RAG1: variants seen among roughly 807,000 people sequenced by gnomAD.
RAG1 encodes the protein V(D)J recombination-activating protein 1.
In RAG1, 35 loss-of-function variants were observed where a neutral mutation model predicts 62.7. The ratio of observed to expected loss-of-function variants is 0.56; its 90% CI spans 0.43 to 0.74. The LOEUF (loss-of-function observed/expected upper bound fraction) is 0.74. RAG1 is among the 30% of genes least tolerant of loss of function. The probability of loss-of-function intolerance (pLI) is 0.00; values close to 1 mark genes in which losing one functional copy is unlikely to be tolerated. For missense variants in RAG1, 1,169 were observed against 1,278.6 expected, an observed-to-expected ratio of 0.91 and a Z score of 1.31; for synonymous variants, 461 against 470.3, an observed-to-expected ratio of 0.98 and a Z score of 0.26.
downstream of RAG1, among the ~76,000 whole-genome samples, chr11:36,540,527 CCCG>C (rs940968821): frequency 5.3e-4 from 81 of 152,284 alleles, no homozygotes; most frequent in African/African-American, 1.9e-3. Context: ...GCCTCAGCCT[CCCG>C]AGTAGCTGGG....
chr11:36,561,558 T>C (rs999736041), intron 3 of RAG1, among the ~76,000 whole-genome samples: 4 of 152,220 alleles, frequency 2.6e-5, no homozygotes, highest in African/African-American at 9.6e-5. Context: ...GATATTAACA[T>C]TTAAACTATT....
chr11:36,515,843 A>C (rs913207843), intron 1 of RAG1, among the ~76,000 whole-genome samples: 20 of 152,186 alleles, frequency 1.3e-4, no homozygotes, highest in African/African-American at 4.8e-4. Flanking sequence ...TGAAATCTAC[A>C]AAAGTTCTCC....
intron 1 of RAG1, among the ~76,000 whole-genome samples, chr11:36,518,387 C>G (rs1860026841): frequency 6.6e-6 from 1 of 152,184 alleles, no homozygotes; most frequent in Admixed American, 6.5e-5. Flanking sequence ...AATGATATTT[C>G]TAGTTCTAGA....
chr11:36,565,537 C>G (rs1374051272), upstream of RAG1, among the ~76,000 whole-genome samples: 1 of 152,198 alleles, frequency 6.6e-6, no homozygotes, highest in Non-Finnish European at 1.5e-5. Context: ...ATCAAGTTGT[C>G]CAGGCTCTAG....
At chr11:36,545,478 G>T (rs7942421) in intron 3 of RAG1, among the ~76,000 whole-genome samples, 5,135 of 152,158 alleles carry the variant, frequency 0.034, 278 homozygotes, top group African/African-American at 0.12. Flanking sequence ...AAGGAGAGAG[G>T]TCTCACCAGA....
chr11:36,557,575 G>T (rs928593879), intron 3 of RAG1, among the ~76,000 whole-genome samples: 2 of 151,954 alleles, frequency 1.3e-5, no homozygotes, highest in Non-Finnish European at 2.9e-5. Context: ...CGTCTTCTGC[G>T]TCGCTCACGC....
At chr11:36,527,281 C>G (rs1860178189) in intron 2 of RAG1, among the ~76,000 whole-genome samples, 1 of 152,166 alleles carries the variant, frequency 6.6e-6, no homozygotes. Context: ...GGAAGTGATC[C>G]AGTTTCAGCT....
At chr11:36,563,652 A>C (rs1258443684), upstream of RAG1, among the ~76,000 whole-genome samples, 1 of 152,202 alleles carries the variant, frequency 6.6e-6, no homozygotes, top group East Asian at 1.9e-4. Flanking sequence ...ATTTATGAAA[A>C]ATTTAGCAAT....
At position 36,578,007 on chromosome 11, in the gene RAG1, A is replaced by T. The variant is rs747016975; in HGVS notation, c.*1571A>T. On this transcript the variant is annotated 3_prime_UTR_variant, in exon 2 of 2. Coordinates refer to ENST00000299440, the MANE Select transcript of RAG1 (RefSeq NM_000448.3). ...CAGTTATTTGGAAACTATGATCTGCATCCTTAGGAATCTGGGATTTGCCAG... is the reference window on the plus strand; with the variant it reads ...CAGTTATTTGGAAACTATGATCTGCTTCCTTAGGAATCTGGGATTTGCCAG... The T allele has an allele frequency of 7.2e-4, 120 of 167,130 alleles. No individual in the cohort carries two copies. Among genetic ancestry groups the T allele is most frequent in the Non-Finnish European group, 2.6e-4 (18 of 68,126 alleles). The allele number at this position is 167,130 out of a possible 1,614,324, so 10.4% of individuals were successfully genotyped here. A position where few individuals can be genotyped will look rare whatever the true frequency, so the allele number is the denominator to read the frequency against.
At chr11:36,517,790 T>C (rs148026129) in intron 1 of RAG1, among the ~76,000 whole-genome samples, 1 of 152,228 alleles carries the variant, frequency 6.6e-6, no homozygotes, top group Non-Finnish European at 1.5e-5. Context: ...ATTTACTAAG[T>C]AGAACATTGC....
intron 2 of RAG1, among the ~76,000 whole-genome samples, chr11:36,530,998 G>A (rs1300486550): frequency 6.6e-6 from 1 of 151,852 alleles, no homozygotes; most frequent in Non-Finnish European, 1.5e-5. Context: ...ATTGTTTGAT[G>A]CATACACATT....
chr11:36,558,373 G>T (rs147782212), intron 3 of RAG1, among the ~76,000 whole-genome samples: 7 of 152,274 alleles, frequency 4.6e-5, no homozygotes, highest in African/African-American at 1.7e-4. Context: ...TAGGCTGCTG[G>T]TGTTTCCACC....
intron 1 of RAG1, among the ~76,000 whole-genome samples, chr11:36,519,049 T>C (rs1049532152): frequency 1.3e-5 from 2 of 152,258 alleles, no homozygotes; most frequent in African/African-American, 2.4e-5. Flanking sequence ...AAATAAATAA[T>C]GTCCTTTGAA....
chr11:36,536,737 A>G (rs1204891040), downstream of RAG1, among the ~76,000 whole-genome samples: 1 of 151,266 alleles, frequency 6.6e-6, no homozygotes. Flanking sequence ...TTTATACTAC[A>G]TATATAAAGT....
In RAG1 at chr11:36,558,497, T is replaced by C. The variant is rs570773606; in HGVS notation, c.-411-4888T>C. On this transcript the variant is annotated intron_variant and NMD_transcript_variant, in intron 3 of 9. Coordinates refer to the RAG1 transcript ENST00000534663. ...ACAATCGTTGTATCCTCTTACTGAA[T>C]TGATTCATTTATCATTATATAATGG... 7.2e-5 allele frequency among the ~76,000 whole-genome samples: 11 copies of C among 152,320 alleles called. No homozygotes were observed. The East Asian group carries it at 1.9e-3, about 27-fold the overall frequency.
chr11:36,530,273 A>T (rs143222482), intron 2 of RAG1, among the ~76,000 whole-genome samples: 655 of 152,074 alleles, frequency 4.3e-3, no homozygotes, highest in African/African-American at 0.015. Flanking sequence ...TTTTCAAATA[A>T]TGAGTCTTTG....
intron 2 of RAG1, among the ~76,000 whole-genome samples, chr11:36,531,345 A>G (rs889171274): frequency 5.3e-5 from 8 of 151,802 alleles, no homozygotes; most frequent in South Asian, 2.1e-4. Flanking sequence ...TTGGTATGTT[A>G]TGGCTTAAGT....
intron 1 of RAG1, among the ~76,000 whole-genome samples, chr11:36,571,916 G>A (rs925926092): frequency 6.6e-6 from 1 of 152,068 alleles, no homozygotes; most frequent in Non-Finnish European, 1.5e-5. Context: ...CTGTGCCTGT[G>A]CCCCAAAACA....
At chr11:36,515,996 TC>T (rs1859990088) in intron 1 of RAG1, among the ~76,000 whole-genome samples, 1 of 152,178 alleles carries the variant, frequency 6.6e-6, no homozygotes, top group Non-Finnish European at 1.5e-5. Context: ...TTTTTCCTGC[TC>T]TTGGATAAAG....
Sources: allele counts gnomAD v4.1 joint callset (sites outside exome capture counted in the v4.1 genomes callset), GRCh38; gene constraint gnomAD v4.1.1; transcripts MANE v1.5; gene names NCBI Gene and HGNC (gene_info 2026-07-23, HGNC 2026-07-21).